The following CADPS2 variants were observed in gnomAD, a reference collection of about 807,000 sequenced individuals.
CADPS2 encodes the protein calcium-dependent secretion activator 2.
Under a neutral mutation model 172.5 loss-of-function variants are expected in CADPS2, and 93 were observed. The ratio of observed to expected loss-of-function variants is 0.54; its 90% CI spans 0.46 to 0.64. The LOEUF is 0.64. Ranked by LOEUF, CADPS2 falls within the 30% of genes least tolerant of loss-of-function variation. The pLI is 0.00. For synonymous variants in CADPS2, 546 were observed against 555.2 expected (o/e 0.98, Z 0.23); for missense variants, 1,420 against 1,565.9 (o/e 0.91, Z 1.57).
At chr7:122,651,946 A>G (rs1746245191) in intron 3 of CADPS2, among the ~76,000 whole-genome samples, 1 of 152,128 alleles carries the variant, frequency 6.6e-6, no homozygotes, top group South Asian at 2.1e-4. Flanking sequence ...ACCTCTGTTA[A>G]TATCTCAAAT....
chr7:122,706,266 ATATGTTTATATATTCAAGGAATATAT>A (rs2087448431), intron 2 of CADPS2, among the ~76,000 whole-genome samples: 1 of 18,224 alleles, frequency 5.5e-5, no homozygotes. Flanking sequence ...AGGAATATAT[ATATGTTTATATATTCAAGGAATATAT>A]ATATGCTTAT....
chr7:122,681,943 TA>T, intron 2 of CADPS2, among the ~76,000 whole-genome samples: 1 of 151,782 alleles, frequency 6.6e-6, no homozygotes, highest in Non-Finnish European at 1.5e-5. Flanking sequence ...GTTTGGAAAA[TA>T]ATACATACAC....
chr7:122,374,352 C>T (rs1051645774), intron 25 of CADPS2, among the ~76,000 whole-genome samples: 15 of 151,892 alleles, frequency 9.9e-5, no homozygotes. Context: ...CAAGGATGCC[C>T]ACACTTACCA....
chr7:122,858,617 T>G (rs2428907), intron 1 of CADPS2, among the ~76,000 whole-genome samples: 6,231 of 152,316 alleles, frequency 0.041, 424 homozygotes, highest in African/African-American at 0.14. Flanking sequence ...GTTTCATCGC[T>G]TGCTTTTAAC....
chr7:122,631,769 T>A (rs923767732), intron 3 of CADPS2, among the ~76,000 whole-genome samples: 9 of 151,660 alleles, frequency 5.9e-5, no homozygotes, highest in African/African-American at 2.2e-4. Flanking sequence ...GTTGTTGAGG[T>A]TGAGGTTGGG....
chr7:122,641,556 C>A (rs970318091), intron 3 of CADPS2, among the ~76,000 whole-genome samples: 1 of 152,106 alleles, frequency 6.6e-6, no homozygotes, highest in African/African-American at 2.4e-5. Context: ...AGATAAAGAA[C>A]CATGAATCTT....
chr7:122,739,248 G>A (rs2092346952), intron 1 of CADPS2, among the ~76,000 whole-genome samples: 1 of 152,134 alleles, frequency 6.6e-6, no homozygotes, highest in Non-Finnish European at 1.5e-5. Context: ...GAATGACAAT[G>A]AACTGAAGGA....
chr7:122,364,413 TAAAAAAAAAAAAAAA>T (rs916412439), intron 25 of CADPS2, among the ~76,000 whole-genome samples: 13 of 77,900 alleles, frequency 1.7e-4, no homozygotes, highest in African/African-American at 6.9e-4. Flanking sequence ...TGTCTCAAGT[TAAAAAAAAAAAAAAA>T]AAAAAAAAAA....
chr7:122,323,873 TTATATATATATATA>T lies in CADPS2; in HGVS notation c.3717+1590_3717+1603del, dbSNP rs71159788. On this transcript the variant is annotated intron_variant, in intron 29 of 29. Transcript: ENST00000449022. ...TGCATATTATATACATATGTATATT[TTATATATATATATA>T]TATATATATATATATATATATATAT... Among the ~76,000 whole-genome samples the T allele has an allele frequency of 7.8e-3, 879 of 112,440 alleles. 14 individuals are homozygous for T. The highest frequency in any genetic ancestry group is 0.031 in the African/African-American group (760 of 24,816). The allele number at this position is 112,440 out of a possible 152,430, so 73.8% of individuals were successfully genotyped here.
intron 17 of CADPS2, chr7:122,422,067 AAC>A: frequency 6.6e-6 from 1 of 152,332 alleles, no homozygotes; most frequent in African/African-American, 2.4e-5. Context: ...TGAGGTGAGA[AAC>A]ACAAAAATCT....
intron 1 of CADPS2, among the ~76,000 whole-genome samples, chr7:122,851,134 A>G (rs1377931797): frequency 6.6e-6 from 1 of 152,214 alleles, no homozygotes; most frequent in African/African-American, 2.4e-5. Context: ...ACTACACAAA[A>G]TTAAACATGC....
chr7:122,334,495 G>T (rs191566375), intron 28 of CADPS2, among the ~76,000 whole-genome samples: 5 of 152,330 alleles, frequency 3.3e-5, no homozygotes, highest in Admixed American at 3.3e-4. Flanking sequence ...GAAATAGTGA[G>T]TTCTGTCTGT....
intron 3 of CADPS2, among the ~76,000 whole-genome samples, chr7:122,646,871 C>T (rs192359730): frequency 6.6e-6 from 1 of 152,094 alleles, no homozygotes; most frequent in Non-Finnish European, 1.5e-5. Flanking sequence ...AATGAAGTCT[C>T]CAGCTATGGC....
intron 1 of CADPS2, among the ~76,000 whole-genome samples, chr7:122,867,138 C>T (rs1818522917): frequency 6.6e-6 from 1 of 152,150 alleles, no homozygotes; most frequent in African/African-American, 2.4e-5. Context: ...CCTGACCACC[C>T]TATCTAAAAT....
At chr7:122,365,077 G>C (rs1323133642) in intron 25 of CADPS2, among the ~76,000 whole-genome samples, 1 of 152,192 alleles carries the variant, frequency 6.6e-6, no homozygotes. Flanking sequence ...ATTTAGGGCA[G>C]AATTTTCTCC....
chr7:122,379,203 G>A (rs2042705537), intron 25 of CADPS2, 165 bp downstream of exon 25: 1 of 501,520 alleles, frequency 2.0e-6, no homozygotes, highest in Non-Finnish European at 3.6e-6. Context: ...TTGACATAGT[G>A]TTCCTAACCT....
intron 1 of CADPS2, among the ~76,000 whole-genome samples, chr7:122,753,187 T>C (rs187610224): frequency 4.6e-5 from 7 of 152,234 alleles, no homozygotes; most frequent in African/African-American, 1.7e-4. Flanking sequence ...TAGTAGGGTA[T>C]AATTAAGTCA....
At chr7:122,359,848 TAA>T (rs1275880705) in intron 27 of CADPS2, among the ~76,000 whole-genome samples, 1 of 152,134 alleles carries the variant, frequency 6.6e-6, no homozygotes, top group Non-Finnish European at 1.5e-5. Flanking sequence ...CCTTCTCATT[TAA>T]AATACTCATT....
intron 9 of CADPS2, among the ~76,000 whole-genome samples, chr7:122,497,720 ACT>A (rs1357835813): frequency 1.3e-5 from 2 of 151,940 alleles, no homozygotes; most frequent in African/African-American, 4.8e-5. Flanking sequence ...CTTGACTCGC[ACT>A]CTGTCATTCT....
Sources: allele counts gnomAD v4.1 joint callset (sites outside exome capture counted in the v4.1 genomes callset), GRCh38; gene constraint gnomAD v4.1.1; transcripts MANE v1.5; gene names NCBI Gene and HGNC (gene_info 2026-07-23, HGNC 2026-07-21).